SETX: variants seen among roughly 807,000 people sequenced by gnomAD.
The protein encoded by SETX is senataxin.
Under a neutral mutation model 227.2 loss-of-function variants are expected in SETX, and 90 were observed. The observed-to-expected ratio is 0.40, with a 90% CI of 0.33 to 0.47. The LOEUF is 0.47. Among genes scored for constraint, SETX ranks in the 20% least tolerant of loss-of-function variants. SETX has a pLI of 0.91. For missense variants in SETX, 3,052 were observed against 3,181.5 expected, an observed-to-expected ratio of 0.96 and a Z score of 0.98; for synonymous variants, 1,210 against 1,113.2, an observed-to-expected ratio of 1.09 and a Z score of -1.73.
At chr9:132,268,200 T>C (rs1214964857) in intron 25 of SETX, among the ~76,000 whole-genome samples, 1 of 152,164 alleles carries the variant, frequency 6.6e-6, no homozygotes, top group Non-Finnish European at 1.5e-5. Flanking sequence ...TTACAGGAAG[T>C]TGCAAGGAAA....
At chr9:132,347,119 T>C (rs1320338960) in intron 3 of SETX, among the ~76,000 whole-genome samples, 1 of 151,512 alleles carries the variant, frequency 6.6e-6, no homozygotes, top group Non-Finnish European at 1.5e-5. Flanking sequence ...CCAGGCGTAG[T>C]GGTGCATGCC....
At chr9:132,324,331 A>C (rs1205714176) in intron 10 of SETX, among the ~76,000 whole-genome samples, 1 of 152,194 alleles carries the variant, frequency 6.6e-6, no homozygotes, top group African/African-American at 2.4e-5. Flanking sequence ...ATTTAACATA[A>C]AGTACATTGA....
Position 132,288,582 on chromosome 9 carries a change from A to T in SETX, c.6176T>A (p.Phe2059Tyr), listed in dbSNP as rs758475573. Residue 2059 changes from phenylalanine (F) to tyrosine (Y), a missense_variant, in exon 16 of 26, where the codon TTC becomes TAC. Phe to Tyr is a conservative substitution (Grantham distance 22). Transcript: ENST00000224140. ...GTGGTTTACTTGGCTGTCCAAACTG[A>T]ACTTTAGAACCTCACTATTAATAGA... ...EKSINSEVLK[F>Y]SLDSQVNHRM... The T allele has an allele frequency of 4.3e-6, 7 of 1,613,670 alleles. 1 individual carries two copies. The South Asian group carries it at 6.6e-5, about 15-fold the overall frequency.
intron 12 of SETX, among the ~76,000 whole-genome samples, chr9:132,299,249 G>A (rs1161420854): frequency 6.6e-6 from 1 of 152,216 alleles, no homozygotes; most frequent in Non-Finnish European, 1.5e-5. Flanking sequence ...TGAAGGAAGT[G>A]CAGATGTCAG....
intron 5 of SETX, among the ~76,000 whole-genome samples, chr9:132,337,401 G>T (rs948503762): frequency 3.4e-5 from 5 of 147,278 alleles, no homozygotes; most frequent in African/African-American, 1.0e-4. Flanking sequence ...ATTTCTTGGA[G>T]ACTATGAATT....
chr9:132,304,632 CAAAAA>C (rs34179466), intron 11 of SETX, among the ~76,000 whole-genome samples: 2 of 104,608 alleles, frequency 1.9e-5, no homozygotes, highest in African/African-American at 3.3e-5. Context: ...GACCCTGTTT[CAAAAA>C]AAAAAAAAAA....
intron 15 of SETX, among the ~76,000 whole-genome samples, chr9:132,289,500 GTCTCT>G (rs1395947243): frequency 6.6e-6 from 1 of 152,002 alleles, no homozygotes. Flanking sequence ...CTCTTAACCT[GTCTCT>G]TCTCATTTCT....
rs1335538929 is a variant in SETX, at chr9:132,328,349, A to G, written c.3249T>C (p.Phe1083=). The change falls in exon 10 of 26, where the codon TTT becomes TTC. Residue 1083 remains phenylalanine (F), a synonymous_variant. Transcript: ENST00000224140. ...FEESDSQCFE[F]ESSSEVFSVW... ...CTGAAAACACTTCAGATGAACTTTCAAACTCAAAACACTGAGAATCAGATT... is the reference window on the plus strand; with the variant it reads ...CTGAAAACACTTCAGATGAACTTTCGAACTCAAAACACTGAGAATCAGATT... 6.2e-7 allele frequency: 1 copy of G among 1,613,974 alleles called. No individual in the cohort carries two copies. Among genetic ancestry groups the G allele is most frequent in the African/African-American group, 1.3e-5 (1 of 74,922 alleles).
At chr9:132,311,623 A>G (rs900104056) in intron 11 of SETX, 134 bp downstream of exon 11, 26 of 678,240 alleles carry the variant, frequency 3.8e-5, no homozygotes, top group Middle Eastern at 3.9e-4. Flanking sequence ...TAAGACTTTA[A>G]GCATATTCTA....
rs139342276 is a variant in SETX at position 132,337,435 on chromosome 9, T to TAAA, written c.499-921_499-920insTTT. On this transcript the variant is annotated intron_variant, in intron 5 of 25. Coordinates refer to ENST00000224140, the MANE Select transcript of SETX (RefSeq NM_015046.7). ...TTAAATTTAGTGCTCACAACCAACCTTAAAAAAAAAAAACAAGAACAGAAA... is the reference window on the plus strand; with the variant it reads ...TTAAATTTAGTGCTCACAACCAACCTAAATAAAAAAAAAAAACAAGAACAGAAA... Among the ~76,000 whole-genome samples, 12 of 135,608 alleles carry TAAA rather than the reference T, an allele frequency of 8.8e-5. No homozygotes were observed. In the East Asian group the frequency reaches 3.9e-3, roughly 44 times the overall value. The allele number at this position is 135,608 out of a possible 152,430, so 89.0% of individuals were successfully genotyped here.
At chr9:132,266,456 A>T (rs1300934886) in intron 25 of SETX, among the ~76,000 whole-genome samples, 1 of 152,144 alleles carries the variant, frequency 6.6e-6, no homozygotes, top group East Asian at 1.9e-4. Context: ...TTCTGATAAG[A>T]CAAGATAACA....
intron 6 of SETX, among the ~76,000 whole-genome samples, chr9:132,335,390 CAAAAAAAAA>C (rs1157691529): frequency 4.4e-4 from 23 of 51,994 alleles, no homozygotes; most frequent in African/African-American, 7.9e-4. Context: ...GACTCCGTCT[CAAAAAAAAA>C]AAAAAAAAAA....
intron 10 of SETX, among the ~76,000 whole-genome samples, chr9:132,313,149 G>C (rs1416249113): frequency 6.6e-6 from 1 of 152,158 alleles, no homozygotes; most frequent in African/African-American, 2.4e-5. Context: ...TTCTAAAACT[G>C]GGTTGTGGTG....
chr9:132,281,534 A>T lies in SETX; in HGVS notation c.6587T>A (p.Ile2196Asn). ...SCEIETLTPL[I>N]HRCNKLILVG... The stretch of plus-strand genomic sequence containing the variant: ...TAGGATGAGCTTATTGCAGCGATGG[A>T]TGAGTGGAGTAAGAGTCTCAATTTC... Residue 2196 changes from isoleucine (I) to asparagine (N), a missense_variant, in exon 20 of 26, where the codon ATC becomes AAC. Ile to Asn is a moderately radical substitution (Grantham distance 149). Transcript: ENST00000224140. 1 of 1,614,064 alleles carries T rather than the reference A, an allele frequency of 6.2e-7. No individual in the cohort carries two copies. Among genetic ancestry groups the T allele is most frequent in the Non-Finnish European group, 8.5e-7 (1 of 1,179,946 alleles).
At chr9:132,355,287 T>A (rs1362336719), upstream of SETX, among the ~76,000 whole-genome samples, 1 of 152,184 alleles carries the variant, frequency 6.6e-6, no homozygotes, top group African/African-American at 2.4e-5. Context: ...GGCTCCGGGA[T>A]GAGCTCTGCT....
chr9:132,351,679 TG>T (rs1473474409), intron 2 of SETX, among the ~76,000 whole-genome samples: 3 of 152,232 alleles, frequency 2.0e-5, no homozygotes, highest in Admixed American at 2.0e-4. Flanking sequence ...ACTGGCCTAA[TG>T]GCTAAGCCCA....
At chr9:132,293,882 G>A (rs1053678906) in intron 15 of SETX, among the ~76,000 whole-genome samples, 1 of 152,088 alleles carries the variant, frequency 6.6e-6, no homozygotes, top group Non-Finnish European at 1.5e-5. Flanking sequence ...AAATTAGCCG[G>A]GTGTTGTGGC....
chr9:132,297,187 C>T, intron 13 of SETX, 133 bp from the exon 14 acceptor site: 1 of 703,282 alleles, frequency 1.4e-6, no homozygotes, highest in East Asian at 2.9e-5. Flanking sequence ...TCAGACAAGA[C>T]AAGGACACCA....
At chr9:132,278,592 A>G (rs1843317750) in intron 20 of SETX, among the ~76,000 whole-genome samples, 1 of 151,720 alleles carries the variant, frequency 6.6e-6, no homozygotes, top group African/African-American at 2.4e-5. Flanking sequence ...AGTAGCTGGG[A>G]TAACAGGAAT....
Sources: allele counts gnomAD v4.1 joint callset (sites outside exome capture counted in the v4.1 genomes callset), GRCh38; gene constraint gnomAD v4.1.1; transcripts MANE v1.5; gene names NCBI Gene and HGNC (gene_info 2026-07-23, HGNC 2026-07-21).